Variants in GPC5 observed in about 807,000 individuals in gnomAD.
GPC5 encodes the protein glypican-5.
A neutral mutation model predicts 53.9 loss-of-function variants in GPC5; 47 were observed. That is an observed-to-expected ratio of 0.87 (90% confidence interval 0.69 to 1.11). GPC5 has a LOEUF of 1.11. Ranked by LOEUF, GPC5 falls within the 50% of genes most tolerant of loss-of-function variation. The pLI is 0.00. For missense variants in GPC5, 748 were observed against 713.1 expected (o/e 1.05, Z -0.56); for synonymous variants, 286 against 263.3 (o/e 1.09, Z -0.84).
intron 7 of GPC5, among the ~76,000 whole-genome samples, chr13:92,480,587 C>T (rs1164290612): frequency 6.6e-6 from 1 of 152,188 alleles, no homozygotes; most frequent in Non-Finnish European, 1.5e-5. Context: ...AATGGTCTTT[C>T]TCTCACATTT....
At chr13:92,014,130 A>G (rs1336755775) in intron 6 of GPC5, among the ~76,000 whole-genome samples, 1 of 152,216 alleles carries the variant, frequency 6.6e-6, no homozygotes, top group Non-Finnish European at 1.5e-5. Context: ...ACATTTTCTG[A>G]CTTGCCTTTA....
chr13:92,835,727 A>T (rs531988425), intron 7 of GPC5, among the ~76,000 whole-genome samples: 54 of 152,092 alleles, frequency 3.6e-4, no homozygotes, highest in Admixed American at 2.6e-3. Flanking sequence ...CACATAACCT[A>T]GTTAACATAT....
Position 92,839,760 on chromosome 13 carries a change from A to G in GPC5, c.1562-26522A>G, listed in dbSNP as rs1878357928. The stretch of plus-strand genomic sequence containing the variant: ...AGACTGCTAGCTAGACTAATGAAGA[A>G]AAGAGAGACTACTCAAATAAACGCA... On this transcript the variant is annotated intron_variant, in intron 7 of 7. Coordinates refer to ENST00000377067, the MANE Select transcript of GPC5 (RefSeq NM_004466.6). Among the ~76,000 whole-genome samples the G allele has an allele frequency of 1.3e-5, 2 of 152,110 alleles. 1 individual carries two copies. Among genetic ancestry groups the G allele is most frequent in the South Asian group, 4.1e-4 (2 of 4,828 alleles).
At chr13:92,521,437 C>G (rs888088272) in intron 7 of GPC5, among the ~76,000 whole-genome samples, 2 of 152,092 alleles carry the variant, frequency 1.3e-5, no homozygotes, top group African/African-American at 4.8e-5. Flanking sequence ...AGACATAGAC[C>G]AATGGAACAG....
chr13:92,358,590 T>C (rs1282818925), intron 7 of GPC5, among the ~76,000 whole-genome samples: 1 of 151,736 alleles, frequency 6.6e-6, no homozygotes, highest in African/African-American at 2.4e-5. Flanking sequence ...TTCAGGCATT[T>C]CCATACATCC....
At chr13:92,659,723 C>T (rs1238169834) in intron 7 of GPC5, among the ~76,000 whole-genome samples, 1 of 152,118 alleles carries the variant, frequency 6.6e-6, no homozygotes, top group Non-Finnish European at 1.5e-5. Context: ...CTGAAGCATA[C>T]TCTGATGGAA....
chr13:91,797,061 T>A (rs1566267654), intron 5 of GPC5, among the ~76,000 whole-genome samples: 2 of 152,158 alleles, frequency 1.3e-5, no homozygotes, highest in African/African-American at 4.8e-5. Context: ...ACAAAATATT[T>A]TATGCCACAG....
At chr13:92,139,440 G>T (rs1414161645) in intron 6 of GPC5, among the ~76,000 whole-genome samples, 2 of 152,128 alleles carry the variant, frequency 1.3e-5, no homozygotes, top group African/African-American at 4.8e-5. Flanking sequence ...GGCCGAGGCG[G>T]GTGGATCATG....
At chr13:91,413,163 C>T (rs1877935620) in intron 1 of GPC5, among the ~76,000 whole-genome samples, 1 of 152,096 alleles carries the variant, frequency 6.6e-6, no homozygotes, top group South Asian at 2.1e-4. Context: ...CACCTGTGGT[C>T]CTAGCTAATC....
At chr13:91,802,701 C>T (rs1183804324) in intron 5 of GPC5, among the ~76,000 whole-genome samples, 1 of 152,086 alleles carries the variant, frequency 6.6e-6, no homozygotes, top group Non-Finnish European at 1.5e-5. Context: ...CCCCAGCCGA[C>T]CCGGAAGCCC....
chr13:91,757,700 G>A (rs2140131476), intron 5 of GPC5, among the ~76,000 whole-genome samples: 1 of 152,212 alleles, frequency 6.6e-6, no homozygotes, highest in South Asian at 2.1e-4. Flanking sequence ...TGAACTATGA[G>A]TCAATTAAAC....
chr13:92,749,125 A>G (rs1166478882), intron 7 of GPC5, among the ~76,000 whole-genome samples: 2 of 152,200 alleles, frequency 1.3e-5, no homozygotes, highest in African/African-American at 2.4e-5. Flanking sequence ...ACATTCTCAG[A>G]TATTTTAATG....
intron 2 of GPC5, among the ~76,000 whole-genome samples, chr13:91,531,859 T>A (rs1217593069): frequency 1.3e-5 from 2 of 152,302 alleles, no homozygotes; most frequent in South Asian, 4.1e-4. Flanking sequence ...GCTTCCAGAT[T>A]GGGAATGGTG....
chr13:91,893,880 C>G (rs903561760), intron 5 of GPC5, among the ~76,000 whole-genome samples: 5 of 151,180 alleles, frequency 3.3e-5, no homozygotes, highest in Admixed American at 2.0e-4. Context: ...GCCTTGAAAT[C>G]TATCATTCTT....
At chr13:92,819,928 T>A (rs1484581461) in intron 7 of GPC5, among the ~76,000 whole-genome samples, 2 of 152,196 alleles carry the variant, frequency 1.3e-5, no homozygotes, top group African/African-American at 4.8e-5. Flanking sequence ...ACCAACCTCA[T>A]GGCTTTCCTT....
intron 7 of GPC5, among the ~76,000 whole-genome samples, chr13:92,234,153 T>A (rs1439468836): frequency 2.0e-5 from 3 of 152,214 alleles, no homozygotes; most frequent in African/African-American, 7.2e-5. Flanking sequence ...GCATGATTTA[T>A]AATCCTTTGG....
intron 7 of GPC5, among the ~76,000 whole-genome samples, chr13:92,503,868 C>CT (rs1454080013): frequency 2.0e-5 from 3 of 151,796 alleles, no homozygotes; most frequent in Admixed American, 2.0e-4. Flanking sequence ...TGTAGTTAGT[C>CT]TTTTTCTGAA....
At chr13:92,376,525 T>C (rs898717536) in intron 7 of GPC5, among the ~76,000 whole-genome samples, 1 of 152,226 alleles carries the variant, frequency 6.6e-6, no homozygotes, top group Non-Finnish European at 1.5e-5. Flanking sequence ...TTTTCTGGTC[T>C]TAGACTGTTG....
At chr13:92,353,980 T>C (rs548273334) in intron 7 of GPC5, among the ~76,000 whole-genome samples, 14 of 152,330 alleles carry the variant, frequency 9.2e-5, no homozygotes, top group Admixed American at 4.6e-4. Context: ...AACAGTAGTT[T>C]TTTAGAAGTT....
Sources: gnomAD v4.1 joint callset for allele counts (sites outside exome capture counted in the v4.1 genomes callset) on GRCh38, gnomAD v4.1.1 for gene constraint, MANE v1.5 for transcripts, NCBI Gene and HGNC (gene_info 2026-07-23, HGNC 2026-07-21) for gene names.